The following TCF7L1 variants were observed in gnomAD, a reference collection of about 807,000 sequenced individuals.
TCF7L1 encodes the protein transcription factor 7 like 1.
A neutral mutation model predicts 63.7 loss-of-function variants in TCF7L1; 18 were observed. The observed-to-expected ratio is 0.28, with a 90% CI of 0.20 to 0.42. The LOEUF (loss-of-function observed/expected upper bound fraction) is 0.42, where lower values mean the gene tolerates loss of function less well. Ranked by LOEUF, TCF7L1 falls within the 10% of genes least tolerant of loss-of-function variation. The pLI is 1.00. For missense variants in TCF7L1, 654 were observed against 779.3 expected (o/e 0.84, Z 1.91); for synonymous variants, 355 against 340.9 (o/e 1.04, Z -0.46).
intron 3 of TCF7L1, among the ~76,000 whole-genome samples, chr2:85,265,766 GT>G (rs75640097): frequency 4.1e-3 from 596 of 143,638 alleles, no homozygotes; most frequent in African/African-American, 4.9e-3. Flanking sequence ...ACTTTACTGG[GT>G]TTTTTTTTTT....
intron 3 of TCF7L1, among the ~76,000 whole-genome samples, chr2:85,260,360 G>A (rs572086984): frequency 1.3e-5 from 2 of 152,030 alleles, no homozygotes; most frequent in South Asian, 4.2e-4. Flanking sequence ...TACGTGGCCG[G>A]ACGCAGTGGC....
In TCF7L1 at chr2:85,134,515, C is replaced by A; in HGVS notation, c.441+65C>A. The A allele has an allele frequency of 1.3e-6, 2 of 1,528,114 alleles. No homozygotes were observed. Among genetic ancestry groups the A allele is most frequent in the African/African-American group, 1.4e-5 (1 of 72,564 alleles). The allele number at this position is 1,528,114 out of a possible 1,614,324, so 94.7% of individuals were successfully genotyped here. A position where few individuals can be genotyped will look rare whatever the true frequency, so the allele number is the denominator to read the frequency against. ...GCGGCCCGCAGGATGCGCCCCCGGG[C>A]TTGGCCATGGAGTGGGGGATGGGGC... On this transcript the variant is annotated intron_variant, in intron 3 of 11. Transcript: ENST00000282111. The surrounding 1 kb of genome is among the most constrained non-coding windows in gnomAD (Gnocchi z 5.0).
chr2:85,234,700 A>T (rs183446209), intron 3 of TCF7L1, among the ~76,000 whole-genome samples: 78 of 152,342 alleles, frequency 5.1e-4, no homozygotes, highest in Non-Finnish European at 5.4e-4. Context: ...TCTAAATCAC[A>T]AAATCACCAT....
At chr2:85,241,489 C>G (rs1230184440) in intron 3 of TCF7L1, among the ~76,000 whole-genome samples, 5 of 97,542 alleles carry the variant, frequency 5.1e-5, no homozygotes, top group Non-Finnish European at 1.9e-5. Context: ...ACTCTTGTTG[C>G]TTAGGTGAAT....
At chr2:85,175,724 T>C (rs1208328179) in intron 3 of TCF7L1, among the ~76,000 whole-genome samples, 2 of 152,188 alleles carry the variant, frequency 1.3e-5, no homozygotes, top group Non-Finnish European at 2.9e-5. Flanking sequence ...AACATTAAAA[T>C]AGGAAGCTGG....
At chr2:85,137,424 A>G (rs566124058) in intron 3 of TCF7L1, among the ~76,000 whole-genome samples, 2 of 152,294 alleles carry the variant, frequency 1.3e-5, no homozygotes, top group South Asian at 4.1e-4. Context: ...GATGTGGGCC[A>G]AGTCTCTGTG....
At position 85,227,438 on chromosome 2, in the gene TCF7L1, C is replaced by CTT. The variant is rs562921251; in HGVS notation, c.442-56044_442-56043dup. 9.9e-3 allele frequency among the ~76,000 whole-genome samples: 1,407 copies of CTT among 141,632 alleles called. 20 individuals carry two copies. The highest frequency in any genetic ancestry group is 0.034 in the African/African-American group (1,317 of 38,624). 92.9% of individuals were successfully genotyped at this position (141,632 alleles called of 152,430 possible). On this transcript the variant is annotated intron_variant, in intron 3 of 11. Coordinates refer to ENST00000282111, the MANE Select transcript of TCF7L1 (RefSeq NM_031283.3). The stretch of plus-strand genomic sequence containing the variant: ...AGGGACTGTCAGAGTAATACCCCCT[C>CTT]TTTTTTTTTTTTTTAACCAAGTAAG...
chr2:85,156,878 T>G (rs1678159858), intron 3 of TCF7L1, among the ~76,000 whole-genome samples: 1 of 151,888 alleles, frequency 6.6e-6, no homozygotes. Context: ...ATATTTTGGT[T>G]AGAAATATTT....
At chr2:85,304,433 G>A in intron 7 of TCF7L1, 95 bp downstream of exon 7, 2 of 1,287,216 alleles carry the variant, frequency 1.6e-6, no homozygotes, top group South Asian at 1.3e-5. Context: ...TAATGAGCAG[G>A]CACAGGGCTC....
intron 3 of TCF7L1, among the ~76,000 whole-genome samples, chr2:85,250,080 A>G (rs1403809590): frequency 2.0e-5 from 3 of 152,160 alleles, no homozygotes; most frequent in Non-Finnish European, 2.9e-5. Context: ...ATAGAAAGAG[A>G]AGTGGGGAAA....
At chr2:85,269,745 G>A (rs1175078989) in intron 3 of TCF7L1, among the ~76,000 whole-genome samples, 3 of 152,208 alleles carry the variant, frequency 2.0e-5, no homozygotes, top group African/African-American at 4.8e-5. Context: ...CCCTTCCACT[G>A]TCCGTCATAA....
intron 3 of TCF7L1, among the ~76,000 whole-genome samples, chr2:85,232,111 C>G (rs2104313652): frequency 1.3e-5 from 2 of 152,342 alleles, no homozygotes; most frequent in African/African-American, 4.8e-5. Context: ...CCTCCCAGAT[C>G]AGCAGCCCAC....
At chr2:85,223,275 G>C (rs1351252258) in intron 3 of TCF7L1, among the ~76,000 whole-genome samples, 3 of 152,182 alleles carry the variant, frequency 2.0e-5, no homozygotes, top group Non-Finnish European at 4.4e-5. Flanking sequence ...GTAGAGACAA[G>C]GTTTCGAAAT....
Position 85,265,453 on chromosome 2 carries a change from C to T in TCF7L1, c.442-18042C>T, listed in dbSNP as rs6722996. 1.8e-3 allele frequency among the ~76,000 whole-genome samples: 279 copies of T among 152,272 alleles called. 1 individual carries two copies. Among genetic ancestry groups the T allele is most frequent in the African/African-American group, 5.9e-3 (246 of 41,546 alleles). ...GGGTTGTCTCCTCTGGTTGAATTGG[C>T]GCCCAGACCTTCCCCCAGAGGGGAA... On this transcript the variant is annotated intron_variant, in intron 3 of 11. Coordinates refer to ENST00000282111, the MANE Select transcript of TCF7L1 (RefSeq NM_031283.3).
chr2:85,238,776 ATTTT>A (rs1282463964), intron 3 of TCF7L1, among the ~76,000 whole-genome samples: 8 of 138,738 alleles, frequency 5.8e-5, no homozygotes, highest in Non-Finnish European at 1.2e-4. Flanking sequence ...CTTTTGGAGC[ATTTT>A]ATTTATTTAT....
At chr2:85,279,329 C>T (rs74901649) in intron 3 of TCF7L1, among the ~76,000 whole-genome samples, 4,010 of 152,176 alleles carry the variant, frequency 0.026, 182 homozygotes, top group African/African-American at 0.092. Flanking sequence ...GAGAGCAAGG[C>T]GGGAGGATTG....
chr2:85,250,771 G>C (rs1210436374), intron 3 of TCF7L1, among the ~76,000 whole-genome samples: 1 of 152,128 alleles, frequency 6.6e-6, no homozygotes, highest in Non-Finnish European at 1.5e-5. Flanking sequence ...GGCTAGCTTT[G>C]TATTACACTA....
intron 3 of TCF7L1, among the ~76,000 whole-genome samples, chr2:85,199,971 C>G (rs1679237228): frequency 6.6e-6 from 1 of 152,206 alleles, no homozygotes; most frequent in Admixed American, 6.5e-5. Flanking sequence ...GTTGCCCATT[C>G]TAGGCATTTC....
chr2:85,151,364 G>T (rs1678010671), intron 3 of TCF7L1, among the ~76,000 whole-genome samples: 1 of 152,134 alleles, frequency 6.6e-6, no homozygotes, highest in East Asian at 1.9e-4. Context: ...ATTAGATTTA[G>T]ATTTTTGGTC....
Sources: gnomAD v4.1 joint callset for allele counts (sites outside exome capture counted in the v4.1 genomes callset) on GRCh38, gnomAD v4.1.1 for gene constraint, Gnocchi (gnomAD v3.1) non-coding constraint, MANE v1.5 for transcripts, NCBI Gene and HGNC (gene_info 2026-07-23, HGNC 2026-07-21) for gene names.